Variants in PHYHIP observed in about 807,000 individuals in gnomAD.
PHYHIP encodes phytanoyl-CoA hydroxylase-interacting protein.
Under a neutral mutation model 26.1 loss-of-function variants are expected in PHYHIP, and 7 were observed. That is an observed-to-expected ratio of 0.27 (90% CI 0.15 to 0.50). The LOEUF (loss-of-function observed/expected upper bound fraction) is 0.50, where lower values mean the gene tolerates loss of function less well. Ranked by LOEUF, PHYHIP falls within the 20% of genes least tolerant of loss-of-function variation. The probability of loss-of-function intolerance (pLI) is 0.98; values close to 1 mark genes in which losing one functional copy is unlikely to be tolerated. For synonymous variants in PHYHIP, 206 were observed against 183.4 expected (o/e 1.12, Z -1.00); for missense variants, 232 against 454.7 (o/e 0.51, Z 4.45).
Position 22,221,005 on chromosome 8 carries a change from C to T in PHYHIP, c.*348G>A, listed in dbSNP as rs1186043251. On this transcript the variant is annotated 3_prime_UTR_variant, in exon 5 of 5. Coordinates refer to ENST00000454243, the MANE Select transcript of PHYHIP (RefSeq NM_014759.5). The surrounding 1 kb of genome is among the most constrained non-coding windows in gnomAD (Gnocchi z 7.9). ...TGGGCTTTGGCCCAGAGGGGCTTCC[C>T]TGGGAGAGCCCAGGAGGTGGGCAGG... 1 of 241,630 alleles carries T rather than the reference C, an allele frequency of 4.1e-6. No individual in the cohort carries two copies. Among genetic ancestry groups the T allele is most frequent in the Non-Finnish European group, 8.1e-6 (1 of 123,732 alleles). 15.0% of individuals were successfully genotyped at this position (241,630 alleles called of 1,614,324 possible).
chr8:22,227,496 G>C (rs547819844), intron 2 of PHYHIP, among the ~76,000 whole-genome samples: 45 of 152,348 alleles, frequency 3.0e-4, no homozygotes, highest in African/African-American at 1.1e-3. Flanking sequence ...GCCGGTTCCA[G>C]AGAAAGAGAG....
intron 4 of PHYHIP, among the ~76,000 whole-genome samples, chr8:22,222,461 T>A (rs886721759): frequency 6.6e-6 from 1 of 152,180 alleles, no homozygotes; most frequent in African/African-American, 2.4e-5. Context: ...CCCAATCTTC[T>A]CACTATGTTG....
intron 4 of PHYHIP, among the ~76,000 whole-genome samples, chr8:22,222,823 C>T (rs1374282005): frequency 2.0e-5 from 3 of 152,084 alleles, no homozygotes; most frequent in African/African-American, 7.2e-5. Context: ...ACTGCAAGCT[C>T]GAACTCCTGG....
chr8:22,226,138 T>C (rs1274684713), intron 3 of PHYHIP, among the ~76,000 whole-genome samples: 2 of 152,306 alleles, frequency 1.3e-5, no homozygotes, highest in East Asian at 3.9e-4. Context: ...GGGGCCATTT[T>C]CCCAGGCTAC....
chr8:22,221,593 G>A lies in PHYHIP; in HGVS notation c.753C>T (p.Arg251=), dbSNP rs112627300. Residue 251 remains arginine, a synonymous_variant, in exon 5 of 5, where the codon CGC becomes CGT. Transcript: ENST00000454243. This position sits in a 1 kb window ranked among gnomAD's most constrained non-coding sequence, Gnocchi z 7.9. ...PKGSLGDRFC[R]DRLPLLDIAC... ...CAATGTCCAGGAGGGGCAGGCGGTC[G>A]CGGCAGAAGCGGTCCCCCAGGGAGC... 140 of 1,613,946 alleles carry A rather than the reference G, an allele frequency of 8.7e-5. No individual in the cohort carries two copies. The East Asian group carries it at 1.2e-3, about 14-fold the overall frequency.
intron 1 of PHYHIP, among the ~76,000 whole-genome samples, chr8:22,229,845 C>G (rs1374239191): frequency 1.3e-5 from 2 of 152,158 alleles, no homozygotes; most frequent in African/African-American, 4.8e-5. Context: ...ATTAAGCTTG[C>G]TCCAGAGCCT....
At chr8:22,227,824 T>G (rs1014873161) in intron 2 of PHYHIP, 28 of 422,286 alleles carry the variant, frequency 6.6e-5, no homozygotes, top group Non-Finnish European at 1.1e-4. Context: ...TGTCGAGACT[T>G]GAGACGTCAT....
At chr8:22,226,384 G>C (rs970484953) in intron 3 of PHYHIP, among the ~76,000 whole-genome samples, 8 of 152,178 alleles carry the variant, frequency 5.3e-5, no homozygotes, top group Non-Finnish European at 1.2e-4. Context: ...CTAGCAGAGG[G>C]AAATGGGGGG....
rs570612948 is a variant in PHYHIP, at chr8:22,221,836, G to A, written c.510C>T (p.Ser170=). Residue 170 remains serine, a synonymous_variant, in exon 5 of 5, where the codon AGC becomes AGT. Coordinates refer to ENST00000454243, the MANE Select transcript of PHYHIP (RefSeq NM_014759.5). The surrounding 1 kb of genome is among the most constrained non-coding windows in gnomAD (Gnocchi z 7.9). The part of the protein sequence containing the change: ...LQPYLKDNSG[S]HGSPTSGMLH... ...GCATACCGCTGGTGGGGGAGCCGTG[G>A]CTGCCACTGTTGTCCTTCAGGTAAG... The A allele has an allele frequency of 8.2e-6, 13 of 1,580,044 alleles. No individual in the cohort carries two copies. Among genetic ancestry groups the A allele is most frequent in the Non-Finnish European group, 1.1e-5 (13 of 1,162,748 alleles).
At chr8:22,227,245 G>A (rs1388082244) in intron 2 of PHYHIP, among the ~76,000 whole-genome samples, 2 of 152,298 alleles carry the variant, frequency 1.3e-5, no homozygotes, top group Non-Finnish European at 1.5e-5. Context: ...CTGACACCCC[G>A]TTCTCTTGGG....
intron 2 of PHYHIP, chr8:22,227,834 T>A: frequency 2.4e-6 from 1 of 413,454 alleles, no homozygotes; most frequent in South Asian, 1.8e-5. Flanking sequence ...TGAGACGTCA[T>A]CCCCATAGGC....
chr8:22,225,286 C>A (rs1020254123), intron 3 of PHYHIP, among the ~76,000 whole-genome samples: 3 of 152,044 alleles, frequency 2.0e-5, no homozygotes, highest in African/African-American at 7.2e-5. Context: ...ACTAGCCTGA[C>A]CAACATGGAA....
At chr8:22,227,716 A>G (rs1477125190) in intron 2 of PHYHIP, 1 of 456,820 alleles carries the variant, frequency 2.2e-6, no homozygotes, top group Non-Finnish European at 4.4e-6. Flanking sequence ...GAGGGGCCCG[A>G]GAGGGAGAAC....
intron 2 of PHYHIP, among the ~76,000 whole-genome samples, 186 bp from the exon 3 acceptor site, chr8:22,227,211 G>T (rs918943031): frequency 1.3e-5 from 2 of 152,236 alleles, no homozygotes; most frequent in Non-Finnish European, 2.9e-5. Flanking sequence ...ACACTCCACA[G>T]CCTTGGCCCC....
intron 1 of PHYHIP, 129 bp downstream of exon 1, chr8:22,231,667 G>C (rs1305330523): frequency 3.3e-5 from 5 of 149,318 alleles, no homozygotes; most frequent in African/African-American, 2.5e-5. Context: ...CGGGGGGGGG[G>C]AGAGGGGACA....
Position 22,221,258 on chromosome 8 carries a change from G to C in PHYHIP, c.*95C>G. ...CAGCTGGGCAGAGTGGAGGGAGCAG[G>C]GGGGCAGGAGAGAGAAAGCCAGCTC... On this transcript the variant is annotated 3_prime_UTR_variant, in exon 5 of 5. Transcript: ENST00000454243. The surrounding 1 kb of genome is among the most constrained non-coding windows in gnomAD (Gnocchi z 7.9). 1 of 1,202,710 alleles carries C rather than the reference G, an allele frequency of 8.3e-7. No homozygotes were observed. The highest frequency in any genetic ancestry group is 1.5e-5 in the South Asian group (1 of 65,172). The allele number at this position is 1,202,710 out of a possible 1,614,324, so 74.5% of individuals were successfully genotyped here.
intron 1 of PHYHIP, among the ~76,000 whole-genome samples, chr8:22,230,305 C>T (rs1020555676): frequency 6.6e-6 from 1 of 151,968 alleles, no homozygotes; most frequent in Non-Finnish European, 1.5e-5. Flanking sequence ...ACACTCGTCC[C>T]ATGAGTAGGC....
Position 22,221,208 on chromosome 8 carries a change from C to A in PHYHIP, c.*145G>T. On this transcript the variant is annotated 3_prime_UTR_variant, in exon 5 of 5. Coordinates refer to ENST00000454243, the MANE Select transcript of PHYHIP (RefSeq NM_014759.5). The surrounding 1 kb of genome is among the most constrained non-coding windows in gnomAD (Gnocchi z 7.9). ...CCAAGAGGACCACCGTCTGTTGCCT[C>A]CAATGCCAAGGGGCGAGGGGAGGGC... The A allele has an allele frequency of 1.3e-6, 1 of 756,812 alleles. No individual in the cohort carries two copies. The highest frequency in any genetic ancestry group is 2.1e-6 in the Non-Finnish European group (1 of 486,804). 46.9% of individuals were successfully genotyped at this position (756,812 alleles called of 1,614,324 possible).
In PHYHIP at chr8:22,221,123, C is replaced by T. The variant is rs1429410950; in HGVS notation, c.*230G>A. On this transcript the variant is annotated 3_prime_UTR_variant, in exon 5 of 5. Coordinates refer to ENST00000454243, the MANE Select transcript of PHYHIP (RefSeq NM_014759.5). The surrounding 1 kb of genome is among the most constrained non-coding windows in gnomAD (Gnocchi z 7.9). Reference sequence around the variant, plus strand: ...GTTCTCCAGAAGTCCAGCCCAGCTGCCAACTACAGAGGCTGAGAAGCCTTT... The same window carrying T: ...GTTCTCCAGAAGTCCAGCCCAGCTGTCAACTACAGAGGCTGAGAAGCCTTT... 6.1e-6 allele frequency: 3 copies of T among 490,344 alleles called. No individual in the cohort carries two copies. Among genetic ancestry groups the T allele is most frequent in the African/African-American group, 1.9e-5 (1 of 52,684 alleles). The allele number at this position is 490,344 out of a possible 1,614,324, so 30.4% of individuals were successfully genotyped here. A position where few individuals can be genotyped will look rare whatever the true frequency, so the allele number is the denominator to read the frequency against.
Sources: allele counts gnomAD v4.1 joint callset (sites outside exome capture counted in the v4.1 genomes callset), GRCh38; gene constraint gnomAD v4.1.1; non-coding constraint Gnocchi (gnomAD v3.1); transcripts MANE v1.5; gene names NCBI Gene and HGNC (gene_info 2026-07-23, HGNC 2026-07-21).